SCHIP1: variants seen among roughly 807,000 people sequenced by gnomAD.
The protein encoded by SCHIP1 is schwannomin-interacting protein 1.
Under a neutral mutation model 29.7 loss-of-function variants are expected in SCHIP1, and 8 were observed. The observed-to-expected ratio is 0.27, with a 90% CI of 0.16 to 0.49. The LOEUF (loss-of-function observed/expected upper bound fraction) is 0.49, where lower values mean the gene tolerates loss of function less well. SCHIP1 is among the 20% of genes least tolerant of loss of function. The pLI is 0.99. For missense variants in SCHIP1, 193 were observed against 294.6 expected, an observed-to-expected ratio of 0.66 and a Z score of 2.52; for synonymous variants, 76 against 94.9, an observed-to-expected ratio of 0.80 and a Z score of 1.16.
chr3:159,481,324 TA>T, the SCHIP1 span, among the ~76,000 whole-genome samples: 5 of 152,162 alleles, frequency 3.3e-5, no homozygotes, highest in African/African-American at 4.8e-5. Context: ...GATTTTCTTT[TA>T]AAAAAAAGTT....
the SCHIP1 span, among the ~76,000 whole-genome samples, chr3:159,425,184 C>G: frequency 3.9e-5 from 6 of 152,012 alleles, no homozygotes; most frequent in Non-Finnish European, 7.3e-5. Context: ...CAAATTCACA[C>G]ATAACAATAT....
the SCHIP1 span, among the ~76,000 whole-genome samples, chr3:159,578,049 A>G: frequency 6.6e-6 from 1 of 152,186 alleles, no homozygotes; most frequent in African/African-American, 2.4e-5. Flanking sequence ...CTACTCATAG[A>G]TTGAGGGACC....
At chr3:159,305,304 A>G in the SCHIP1 span, among the ~76,000 whole-genome samples, 1 of 152,152 alleles carries the variant, frequency 6.6e-6, no homozygotes, top group Non-Finnish European at 1.5e-5. Context: ...CCAGTCTCCC[A>G]TGTCCCTGAC....
chr3:159,275,188 G>A, the SCHIP1 span: 4 of 549,568 alleles, frequency 7.3e-6, no homozygotes, highest in Non-Finnish European at 9.3e-6. Flanking sequence ...GTATTTAAAA[G>A]GCCTCAGTTT....
At chr3:159,569,443 T>C in the SCHIP1 span, among the ~76,000 whole-genome samples, 1 of 152,206 alleles carries the variant, frequency 6.6e-6, no homozygotes, top group African/African-American at 2.4e-5. Context: ...TTGTGATAGT[T>C]TGCTGAGAAT....
chr3:159,847,493 A>C (rs1274779789), intron 1 of SCHIP1, among the ~76,000 whole-genome samples: 1 of 152,228 alleles, frequency 6.6e-6, no homozygotes, highest in African/African-American at 2.4e-5. Context: ...ATTCAAAAGA[A>C]AACAACCATC....
At chr3:159,840,293 C>G (rs1276200082) in intron 1 of SCHIP1, 3 of 1,266,272 alleles carry the variant, frequency 2.4e-6, no homozygotes, top group African/African-American at 1.5e-5. Flanking sequence ...CAGGTTGCCT[C>G]TTTCCGGATA....
the SCHIP1 span, among the ~76,000 whole-genome samples, chr3:159,587,930 C>T: frequency 3.8e-4 from 58 of 152,130 alleles, no homozygotes; most frequent in African/African-American, 1.1e-3. Flanking sequence ...AATAAACATA[C>T]GTGTGCATGT....
chr3:159,463,558 T>C, the SCHIP1 span, among the ~76,000 whole-genome samples: 3 of 152,216 alleles, frequency 2.0e-5, no homozygotes, highest in East Asian at 5.8e-4. Context: ...CCTGTTTTTC[T>C]GATTCCAAAG....
intron 6 of SCHIP1, chr3:159,892,525 A>T: frequency 2.0e-6 from 1 of 511,268 alleles, no homozygotes; most frequent in Non-Finnish European, 3.5e-6. Context: ...TCATGCTGGC[A>T]TGTTTCCAGC....
At chr3:159,503,704 CA>C in the SCHIP1 span, among the ~76,000 whole-genome samples, 1 of 152,168 alleles carries the variant, frequency 6.6e-6, no homozygotes, top group African/African-American at 2.4e-5. Context: ...TTCCTTTGAC[CA>C]AATGACACCA....
the SCHIP1 span, among the ~76,000 whole-genome samples, chr3:159,604,142 C>T: frequency 0.21 from 31,201 of 152,116 alleles, 8,718 homozygotes; most frequent in African/African-American, 0.63. Context: ...AAAATTCACC[C>T]AAAATGTAAA....
chr3:159,609,795 G>T, the SCHIP1 span, among the ~76,000 whole-genome samples: 1 of 151,912 alleles, frequency 6.6e-6, no homozygotes, highest in Non-Finnish European at 1.5e-5. Flanking sequence ...TGTATTTTAG[G>T]TATTTTTTTT....
At chr3:159,417,097 A>G in the SCHIP1 span, among the ~76,000 whole-genome samples, 4 of 152,368 alleles carry the variant, frequency 2.6e-5, no homozygotes, top group East Asian at 7.7e-4. Flanking sequence ...CTTCCGCAGC[A>G]CTGGCTATTA....
chr3:159,788,187 T>C, the SCHIP1 span, among the ~76,000 whole-genome samples: 1 of 152,100 alleles, frequency 6.6e-6, no homozygotes, highest in African/African-American at 2.4e-5. Flanking sequence ...CAAAGTCTGC[T>C]CCCATCTCTC....
the SCHIP1 span, among the ~76,000 whole-genome samples, chr3:159,279,903 G>A: frequency 6.6e-6 from 1 of 152,024 alleles, no homozygotes; most frequent in Non-Finnish European, 1.5e-5. Flanking sequence ...TGGATGCAAT[G>A]GTTACACAGT....
the SCHIP1 span, among the ~76,000 whole-genome samples, chr3:159,517,923 T>A: frequency 6.6e-6 from 1 of 152,106 alleles, no homozygotes; most frequent in South Asian, 2.1e-4. Flanking sequence ...CATTTGGAAC[T>A]ATGCAGATTT....
chr3:159,496,951 T>C, the SCHIP1 span, among the ~76,000 whole-genome samples: 1 of 152,194 alleles, frequency 6.6e-6, no homozygotes, highest in Non-Finnish European at 1.5e-5. Flanking sequence ...TCATGTCCTT[T>C]GTAGCGACAT....
At chr3:159,551,454 T>G in the SCHIP1 span, among the ~76,000 whole-genome samples, 1 of 152,170 alleles carries the variant, frequency 6.6e-6, no homozygotes. Context: ...CTAGCTTTAG[T>G]GCACTGAGAA....
Sources: gnomAD v4.1 joint callset for allele counts (sites outside exome capture counted in the v4.1 genomes callset) on GRCh38, gnomAD v4.1.1 for gene constraint, MANE v1.5 for transcripts, NCBI Gene and HGNC (gene_info 2026-07-23, HGNC 2026-07-21) for gene names.